NSUN6: variants seen among roughly 807,000 people sequenced by gnomAD.
NSUN6 encodes tRNA (cytosine(72)-C(5))-methyltransferase NSUN6.
A neutral mutation model predicts 58.0 loss-of-function variants in NSUN6; 64 were observed. That is an observed-to-expected ratio of 1.10 (90% CI 0.90 to 1.36). The LOEUF is 1.36. NSUN6 is among the 40% of genes most tolerant of loss of function. NSUN6 has a pLI of 0.00. For missense variants in NSUN6, 701 were observed against 550.1 expected (o/e 1.27, Z -2.74); for synonymous variants, 231 against 193.9 (o/e 1.19, Z -1.59).
chr10:18,642,532 A>G lies in NSUN6; in HGVS notation c.255T>C (p.Pro85=). Residue 85 remains proline (P), a synonymous_variant, in exon 3 of 11, where the codon CCT becomes CCC. Coordinates refer to ENST00000377304, the MANE Select transcript of NSUN6 (RefSeq NM_182543.5). ...LQKQFNGLSV[P]ILQHPDLQDV... ...CTTGAAGGTCTGGATGTTGAAGAAT[A>G]GGAACACTTAATCCATTAAACTGCT... is the stretch of plus-strand genomic sequence containing the variant. 2 of 1,535,622 alleles carry G rather than the reference A, an allele frequency of 1.3e-6. No homozygotes were observed. The highest frequency in any genetic ancestry group is 1.7e-4 in the Middle Eastern group (1 of 5,820).
upstream of NSUN6, among the ~76,000 whole-genome samples, chr10:18,656,160 C>T (rs1455540327): frequency 1.3e-5 from 2 of 152,136 alleles, no homozygotes; most frequent in Non-Finnish European, 1.5e-5. Flanking sequence ...GATTTCAGAC[C>T]ATATGGCAGG....
At chr10:18,553,978 C>T in intron 8 of NSUN6, among the ~76,000 whole-genome samples, 1 of 137,690 alleles carries the variant, frequency 7.3e-6, no homozygotes, top group East Asian at 2.3e-4. Flanking sequence ...ATGGAATCGA[C>T]AATGCAGAAT....
intron 5 of NSUN6, among the ~76,000 whole-genome samples, chr10:18,613,490 G>C (rs1352098992): frequency 6.6e-6 from 1 of 152,042 alleles, no homozygotes; most frequent in Non-Finnish European, 1.5e-5. Flanking sequence ...ACGATAACTG[G>C]AACAACATCA....
At chr10:18,546,735 A>G (rs1164390057) in intron 10 of NSUN6, among the ~76,000 whole-genome samples, 1 of 151,962 alleles carries the variant, frequency 6.6e-6, no homozygotes, top group Non-Finnish European at 1.5e-5. Flanking sequence ...AAAATTAGCC[A>G]GGTGTGGTGG....
chr10:18,606,731 T>C (rs2058060728), intron 6 of NSUN6, among the ~76,000 whole-genome samples: 1 of 152,170 alleles, frequency 6.6e-6, no homozygotes, highest in African/African-American at 2.4e-5. Flanking sequence ...TAAAAACTTT[T>C]CAACCTGATG....
chr10:18,562,186 AGAATG>A (rs547891067), intron 8 of NSUN6, among the ~76,000 whole-genome samples: 1 of 150,240 alleles, frequency 6.7e-6, no homozygotes, highest in African/African-American at 2.5e-5. Context: ...AAGGGACTGG[AGAATG>A]GAATGGAATG....
intron 4 of NSUN6, 130 bp downstream of exon 4, chr10:18,616,054 G>T: frequency 1.7e-6 from 1 of 605,928 alleles, no homozygotes; most frequent in East Asian, 2.8e-5. Flanking sequence ...AACCCTAAAT[G>T]CAAAGCTGGA....
intron 2 of NSUN6, among the ~76,000 whole-genome samples, chr10:18,645,563 T>C (rs1005169819): frequency 1.3e-5 from 2 of 152,248 alleles, no homozygotes; most frequent in South Asian, 2.1e-4. Context: ...TTCATTCTAG[T>C]TCATAATTTT....
chr10:18,564,329 C>T (rs2055764323), intron 8 of NSUN6, among the ~76,000 whole-genome samples: 1 of 151,238 alleles, frequency 6.6e-6, no homozygotes, highest in Admixed American at 6.6e-5. Flanking sequence ...GCATTCCTTT[C>T]CATTCTCCAT....
chr10:18,609,337 T>C (rs1251381801), intron 6 of NSUN6, among the ~76,000 whole-genome samples: 1 of 151,982 alleles, frequency 6.6e-6, no homozygotes, highest in Non-Finnish European at 1.5e-5. Flanking sequence ...TTATTATTAT[T>C]ACTGGACAGA....
chr10:18,645,175 A>G (rs1250144441), intron 2 of NSUN6, among the ~76,000 whole-genome samples: 9 of 151,832 alleles, frequency 5.9e-5, no homozygotes, highest in East Asian at 3.8e-4. Context: ...AAAAAAAAAA[A>G]AAAGAAAATG....
At chr10:18,637,457 A>C (rs1326290897) in intron 3 of NSUN6, among the ~76,000 whole-genome samples, 1 of 152,258 alleles carries the variant, frequency 6.6e-6, no homozygotes, top group East Asian at 1.9e-4. Flanking sequence ...ATTTAAAGTT[A>C]AATCATCCAT....
chr10:18,647,942 C>G (rs1272539190), intron 2 of NSUN6, among the ~76,000 whole-genome samples: 1 of 152,090 alleles, frequency 6.6e-6, no homozygotes, highest in Non-Finnish European at 1.5e-5. Context: ...TTTCGCCATA[C>G]TGGCCAGGCT....
intron 8 of NSUN6, among the ~76,000 whole-genome samples, chr10:18,560,234 G>A (rs560056073): frequency 2.4e-4 from 36 of 151,068 alleles, no homozygotes; most frequent in African/African-American, 8.7e-4. Flanking sequence ...ATGGAACGGA[G>A]AATGGCAGAG....
chr10:18,613,389 G>A (rs889800289), intron 5 of NSUN6, among the ~76,000 whole-genome samples: 2 of 152,122 alleles, frequency 1.3e-5, no homozygotes, highest in Admixed American at 6.6e-5. Context: ...GAGCCACCAC[G>A]CCCGGCCAAA....
intron 6 of NSUN6, among the ~76,000 whole-genome samples, chr10:18,598,214 G>A (rs2057671004): frequency 1.3e-5 from 2 of 152,064 alleles, no homozygotes; most frequent in African/African-American, 2.4e-5. Context: ...ACCCCTGCCC[G>A]CAAAACATTG....
chr10:18,570,078 A>C (rs2056249481), intron 8 of NSUN6, among the ~76,000 whole-genome samples: 1 of 147,074 alleles, frequency 6.8e-6, no homozygotes, highest in African/African-American at 2.5e-5. Flanking sequence ...TCCATTCTCC[A>C]TTCCATTCCA....
intron 8 of NSUN6, among the ~76,000 whole-genome samples, chr10:18,564,061 C>T (rs953791646): frequency 6.6e-6 from 1 of 151,042 alleles, no homozygotes; most frequent in African/African-American, 2.4e-5. Context: ...CATTTCATTC[C>T]ATTCCATTCT....
intron 8 of NSUN6, among the ~76,000 whole-genome samples, chr10:18,577,379 C>T (rs1177020381): frequency 3.3e-5 from 5 of 152,090 alleles, no homozygotes; most frequent in East Asian, 1.9e-4. Context: ...AAAAGTGGTT[C>T]GGTAAATGGA....
Sources: allele counts gnomAD v4.1 joint callset (sites outside exome capture counted in the v4.1 genomes callset), GRCh38; gene constraint gnomAD v4.1.1; transcripts MANE v1.5; gene names NCBI Gene and HGNC (gene_info 2026-07-23, HGNC 2026-07-21).